Variants in MRTFB observed in about 807,000 individuals in gnomAD.
MRTFB encodes the protein myocardin-related transcription factor B.
A neutral mutation model predicts 104.2 loss-of-function variants in MRTFB; 29 were observed. That is an observed-to-expected ratio of 0.28 (90% CI 0.21 to 0.38). The LOEUF is 0.38. Ranked by LOEUF, MRTFB falls within the 10% of genes least tolerant of loss-of-function variation. The pLI is 1.00. For missense variants in MRTFB, 1,270 were observed against 1,341.6 expected, an observed-to-expected ratio of 0.95 and a Z score of 0.83; for synonymous variants, 535 against 519.5, an observed-to-expected ratio of 1.03 and a Z score of -0.41.
the MRTFB span, among the ~76,000 whole-genome samples, chr16:14,037,936 C>T: frequency 6.6e-6 from 1 of 152,156 alleles, no homozygotes; most frequent in South Asian, 2.1e-4. Context: ...TGACATTGGC[C>T]AAGTCATCTC....
the MRTFB span, among the ~76,000 whole-genome samples, chr16:14,040,919 G>A: frequency 2.6e-5 from 4 of 152,144 alleles, no homozygotes; most frequent in African/African-American, 9.7e-5. Flanking sequence ...TTCGAGACCA[G>A]CCTGGGCAAG....
intron 3 of MRTFB, among the ~76,000 whole-genome samples, chr16:14,173,253 C>G (rs890726365): frequency 1.3e-5 from 2 of 152,096 alleles, no homozygotes; most frequent in African/African-American, 4.8e-5. Context: ...TCCATTAAAA[C>G]GCTTGTTGGT....
chr16:14,159,827 G>A (rs2038962351), intron 3 of MRTFB, among the ~76,000 whole-genome samples: 1 of 148,798 alleles, frequency 6.7e-6, no homozygotes, highest in Admixed American at 6.7e-5. Context: ...CTACTCGGGA[G>A]GCTGAGGCAG....
intron 2 of MRTFB, among the ~76,000 whole-genome samples, chr16:14,114,624 A>T (rs906882786): frequency 6.6e-6 from 1 of 152,028 alleles, no homozygotes; most frequent in African/African-American, 2.4e-5. Flanking sequence ...ATTTTATCCT[A>T]TTCTCTGGTT....
chr16:14,178,732 G>A (rs992519585), intron 3 of MRTFB, among the ~76,000 whole-genome samples: 3 of 151,972 alleles, frequency 2.0e-5, no homozygotes, highest in African/African-American at 7.2e-5. Flanking sequence ...TGTATGGGGG[G>A]CAGGGGAGGT....
intron 3 of MRTFB, chr16:14,144,816 G>T (rs1316749107): frequency 6.6e-6 from 1 of 151,504 alleles, no homozygotes; most frequent in Admixed American, 6.6e-5. Context: ...GGGCGTGGTG[G>T]CGGGTGCCTG....
intron 2 of MRTFB, among the ~76,000 whole-genome samples, chr16:14,130,324 A>G (rs1405100934): frequency 6.6e-6 from 1 of 152,048 alleles, no homozygotes; most frequent in African/African-American, 2.4e-5. Flanking sequence ...CCTTTTGTCA[A>G]TTTCTAGAGT....
intron 2 of MRTFB, among the ~76,000 whole-genome samples, chr16:14,119,780 A>C (rs1596937936): frequency 1.3e-5 from 2 of 152,134 alleles, no homozygotes; most frequent in East Asian, 1.9e-4. Context: ...GTTGGGGCTT[A>C]GTGTAGGAGT....
In MRTFB at chr16:14,097,148, C is replaced by T. The variant is rs1241111823; in HGVS notation, c.-64+17794C>T. Among the ~76,000 whole-genome samples, 8 of 152,308 alleles carry T rather than the reference C, an allele frequency of 5.3e-5. No homozygotes were observed. The South Asian group carries it at 1.4e-3, about 28-fold the overall frequency. On this transcript the variant is annotated intron_variant, in intron 2 of 16. Coordinates refer to ENST00000571589, the MANE Select transcript of MRTFB (RefSeq NM_001308142.2). ...TATTCTAAGAGGAGATGCAGAGTGG[C>T]CTTGCAGTTCAGTACTGACCATTCT...
At chr16:14,119,659 T>G (rs1004368165) in intron 2 of MRTFB, among the ~76,000 whole-genome samples, 1 of 152,182 alleles carries the variant, frequency 6.6e-6, no homozygotes, top group African/African-American at 2.4e-5. Flanking sequence ...TGTTGGAATT[T>G]TTTGCTTATA....
At chr16:14,218,134 A>G (rs2041507547) in intron 7 of MRTFB, among the ~76,000 whole-genome samples, 1 of 152,102 alleles carries the variant, frequency 6.6e-6, no homozygotes, top group South Asian at 2.1e-4. Flanking sequence ...GTCTTGGCTC[A>G]CTGTAAACTC....
intron 13 of MRTFB, among the ~76,000 whole-genome samples, chr16:14,249,865 G>T (rs936246633): frequency 2.0e-5 from 3 of 152,218 alleles, no homozygotes; most frequent in African/African-American, 2.4e-5. Context: ...CCTGTGATCT[G>T]CCTCAGGATA....
At chr16:14,069,159 C>T (rs1174895257), upstream of MRTFB, among the ~76,000 whole-genome samples, 2 of 151,910 alleles carry the variant, frequency 1.3e-5, no homozygotes. Flanking sequence ...TAGTAGAGAA[C>T]GGGGTTTCAC....
chr16:14,127,210 C>T (rs902367857), intron 2 of MRTFB, among the ~76,000 whole-genome samples: 11 of 152,134 alleles, frequency 7.2e-5, no homozygotes, highest in Non-Finnish European at 1.6e-4. Context: ...GTATTTTAAT[C>T]AGTTACTAAG....
At chr16:14,108,370 T>G (rs1276241363) in intron 2 of MRTFB, among the ~76,000 whole-genome samples, 1 of 152,222 alleles carries the variant, frequency 6.6e-6, no homozygotes, top group East Asian at 1.9e-4. Flanking sequence ...TGTGAGGACA[T>G]GAGGTTGAGT....
intron 3 of MRTFB, among the ~76,000 whole-genome samples, chr16:14,155,213 TC>T (rs1015616350): frequency 6.6e-6 from 1 of 152,198 alleles, no homozygotes; most frequent in African/African-American, 2.4e-5. Context: ...CCTCTTTTTT[TC>T]AAGTATTCCC....
At chr16:14,062,000 C>T in the MRTFB span, among the ~76,000 whole-genome samples, 1 of 152,206 alleles carries the variant, frequency 6.6e-6, no homozygotes, top group African/African-American at 2.4e-5. Context: ...TGCATTAGCT[C>T]AGGGAAGAGA....
intron 2 of MRTFB, among the ~76,000 whole-genome samples, chr16:14,134,163 A>G (rs1437814136): frequency 6.6e-6 from 1 of 152,232 alleles, no homozygotes; most frequent in Non-Finnish European, 1.5e-5. Flanking sequence ...CAAGTTAAAT[A>G]AACCCTCACA....
chr16:14,012,946 A>G, the MRTFB span: 1 of 152,130 alleles, frequency 6.6e-6, no homozygotes, highest in African/African-American at 2.4e-5. Flanking sequence ...TAAGCTTAAT[A>G]CGTTATCCTC....
Sources: gnomAD v4.1 joint callset for allele counts (sites outside exome capture counted in the v4.1 genomes callset) on GRCh38, gnomAD v4.1.1 for gene constraint, MANE v1.5 for transcripts, NCBI Gene and HGNC (gene_info 2026-07-23, HGNC 2026-07-21) for gene names.